IFITM10: variants seen among roughly 807,000 people sequenced by gnomAD.
IFITM10 encodes the protein interferon induced transmembrane protein 10.
In IFITM10, 17 loss-of-function variants were observed where a neutral mutation model predicts 19.0. The observed-to-expected ratio is 0.90, with a 90% confidence interval of 0.61 to 1.34. The LOEUF (loss-of-function observed/expected upper bound fraction) is 1.34, where lower values mean the gene tolerates loss of function less well. Ranked by LOEUF, IFITM10 falls within the 40% of genes most tolerant of loss-of-function variation. The pLI, the probability that IFITM10 is intolerant of heterozygous loss-of-function variation, is 0.00. For missense variants in IFITM10, 306 were observed against 319.8 expected, an observed-to-expected ratio of 0.96 and a Z score of 0.33; for synonymous variants, 148 against 147.2, an observed-to-expected ratio of 1.01 and a Z score of -0.04.
intron 2 of IFITM10, among the ~76,000 whole-genome samples, chr11:1,741,286 GC>G (rs1845567916): frequency 6.6e-6 from 1 of 152,012 alleles, no homozygotes; most frequent in South Asian, 2.1e-4. Context: ...TAGGAAACGG[GC>G]CCGAGAAGAG....
chr11:1,737,342 A>C (rs1851098280), intron 2 of IFITM10, among the ~76,000 whole-genome samples: 1 of 152,246 alleles, frequency 6.6e-6, no homozygotes, highest in Non-Finnish European at 1.5e-5. Context: ...AATCATATCT[A>C]CAGCAAATAC....
intron 2 of IFITM10, among the ~76,000 whole-genome samples, chr11:1,737,836 A>C (rs999695455): frequency 1.3e-5 from 2 of 152,158 alleles, no homozygotes; most frequent in African/African-American, 4.8e-5. Flanking sequence ...TGATTTTCTT[A>C]TATCAAGACA....
chr11:1,749,114 C>T, intron 1 of IFITM10: 2 of 1,088,990 alleles, frequency 1.8e-6, no homozygotes, highest in Non-Finnish European at 2.3e-6. Flanking sequence ...GATCCGCCTC[C>T]CAGCGGCCCA....
At chr11:1,738,978 C>T (rs1207937025) in intron 2 of IFITM10, among the ~76,000 whole-genome samples, 1 of 135,064 alleles carries the variant, frequency 7.4e-6, no homozygotes, top group Non-Finnish European at 1.5e-5. Flanking sequence ...CGCTTGAACT[C>T]GGAGGGCAGA....
At position 1,742,665 on chromosome 11, in the gene IFITM10, C is replaced by A. The variant is rs574203611; in HGVS notation, c.537+5002G>T. 7.9e-5 allele frequency among the ~76,000 whole-genome samples: 12 copies of A among 152,130 alleles called. 1 individual carries two copies. The highest frequency in any genetic ancestry group is 2.7e-4 in the African/African-American group (11 of 41,468). On this transcript the variant is annotated intron_variant, in intron 2 of 2. Coordinates refer to ENST00000340134, the MANE Select transcript of IFITM10 (RefSeq NM_001170820.4). ...AGGTAGGGCTTGGAAGGAAAGTGGG[C>A]AATTACTGAGAAAGTGAGACTAGAT...
rs1280216509 is a variant in IFITM10, at chr11:1,745,961, T to C, written c.537+1706A>G. On this transcript the variant is annotated intron_variant, in intron 2 of 2. Transcript: ENST00000340134. ...TGTGCACACACATTTATACGTGCCA[T>C]GCACACTCATGTGTGATTACACACA... 2.0e-5 allele frequency: 3 copies of C among 149,940 alleles called. 1 individual carries two copies. Among genetic ancestry groups the C allele is most frequent in the East Asian group, 4.0e-4 (2 of 5,042 alleles). 9.3% of individuals were successfully genotyped at this position (149,940 alleles called of 1,614,324 possible).
chr11:1,743,994 C>T (rs1029475490), intron 2 of IFITM10, among the ~76,000 whole-genome samples: 1 of 152,174 alleles, frequency 6.6e-6, no homozygotes, highest in Non-Finnish European at 1.5e-5. Flanking sequence ...GGGGCCTTGC[C>T]GACCCCCTAG....
At chr11:1,749,850 C>T (rs1009299057) in intron 1 of IFITM10, among the ~76,000 whole-genome samples, 2 of 152,114 alleles carry the variant, frequency 1.3e-5, no homozygotes, top group Admixed American at 1.3e-4. Flanking sequence ...TCCTGCCCAT[C>T]GGAGCTCCTG....
chr11:1,749,399 G>C (rs1180318478), intron 1 of IFITM10, among the ~76,000 whole-genome samples: 1 of 151,852 alleles, frequency 6.6e-6, no homozygotes, highest in East Asian at 2.0e-4. Flanking sequence ...CATCTCCCCG[G>C]ACCCACTGCG....
chr11:1,742,696 G>C (rs990967865), intron 2 of IFITM10, among the ~76,000 whole-genome samples: 1 of 152,214 alleles, frequency 6.6e-6, no homozygotes, highest in African/African-American at 2.4e-5. Flanking sequence ...TAGATGAATA[G>C]TTTAGTGGGT....
intron 2 of IFITM10, among the ~76,000 whole-genome samples, chr11:1,736,751 A>G (rs1363961555): frequency 6.7e-6 from 1 of 148,606 alleles, no homozygotes; most frequent in Non-Finnish European, 1.5e-5. Flanking sequence ...GAGTGGATGG[A>G]ATGGATGGAG....
Position 1,747,879 on chromosome 11 carries a change from T to C in IFITM10, c.325A>G (p.Lys109Glu). 6.5e-7 allele frequency: 1 copy of C among 1,530,952 alleles called. No individual in the cohort carries two copies. Among genetic ancestry groups the C allele is most frequent in the Non-Finnish European group, 8.8e-7 (1 of 1,135,814 alleles). 94.8% of individuals were successfully genotyped at this position (1,530,952 alleles called of 1,614,324 possible). A position where few individuals can be genotyped will look rare whatever the true frequency, so the allele number is the denominator to read the frequency against. The change falls in exon 2 of 3, where the codon AAG becomes GAG. Residue 109 changes from lysine to glutamate, a missense_variant. Transcript: ENST00000340134. The part of the protein sequence containing the change: ...MAPTLFPMES[K>E]SSKTDSVRAA... ...CGCACGCTGTCGGTCTTGCTGCTCT[T>C]GGACTCCATGGGGAACAGTGTGGGC...
At chr11:1,741,171 TG>T (rs1845566631) in intron 2 of IFITM10, among the ~76,000 whole-genome samples, 1 of 151,710 alleles carries the variant, frequency 6.6e-6, no homozygotes, top group South Asian at 2.1e-4. Flanking sequence ...ACTAAAACCA[TG>T]GGACTGGATG....
chr11:1,739,139 G>A (rs372506956), intron 2 of IFITM10, among the ~76,000 whole-genome samples: 29 of 151,566 alleles, frequency 1.9e-4, no homozygotes, highest in African/African-American at 6.1e-4. Flanking sequence ...ATATAGGAAC[G>A]GATGCCAGAC....
At chr11:1,746,465 C>G (rs1845651457) in intron 2 of IFITM10, 1 of 397,820 alleles carries the variant, frequency 2.5e-6, no homozygotes, top group Admixed American at 4.4e-5. Flanking sequence ...TACACACATA[C>G]ACTGACACGT....
rs4752754 is a variant in IFITM10 at position 1,735,508 on chromosome 11, C to T, written c.538-79G>A. 0.013 allele frequency: 17,168 copies of T among 1,344,296 alleles called. 1,143 individuals carry two copies. The East Asian group carries it at 0.18, about 14-fold the overall frequency. 83.3% of individuals were successfully genotyped at this position (1,344,296 alleles called of 1,614,324 possible). A position where few individuals can be genotyped will look rare whatever the true frequency, so the allele number is the denominator to read the frequency against. On this transcript the variant is annotated intron_variant, in intron 2 of 2. Coordinates refer to ENST00000340134, the MANE Select transcript of IFITM10 (RefSeq NM_001170820.4). ...GGAGCATCCAGGAGCCCAGCAGAGC[C>T]GGTGCCACAGTGCTCAGCACAGTAC...
At chr11:1,742,276 C>T (rs1042424141) in intron 2 of IFITM10, among the ~76,000 whole-genome samples, 2 of 151,796 alleles carry the variant, frequency 1.3e-5, no homozygotes, top group African/African-American at 2.4e-5. Flanking sequence ...ATTAGTAAAG[C>T]ACGTAGGCGG....
At chr11:1,743,126 AGATG>A (rs1845590896) in intron 2 of IFITM10, among the ~76,000 whole-genome samples, 1 of 140,520 alleles carries the variant, frequency 7.1e-6, no homozygotes, top group Admixed American at 7.0e-5. Flanking sequence ...GAGGATGAAT[AGATG>A]GATGGATATG....
At chr11:1,740,659 G>A (rs2133643559) in intron 2 of IFITM10, among the ~76,000 whole-genome samples, 1 of 152,318 alleles carries the variant, frequency 6.6e-6, no homozygotes, top group African/African-American at 2.4e-5. Context: ...ATAGCAATTT[G>A]TGTGAGTCTG....
Sources: gnomAD v4.1 joint callset for allele counts (sites outside exome capture counted in the v4.1 genomes callset) on GRCh38, gnomAD v4.1.1 for gene constraint, MANE v1.5 for transcripts, NCBI Gene and HGNC (gene_info 2026-07-23, HGNC 2026-07-21) for gene names.